AGO1: variants seen among roughly 807,000 people sequenced by gnomAD.
AGO1 encodes the protein protein argonaute-1.
Under a neutral mutation model 109.2 loss-of-function variants are expected in AGO1, and 11 were observed. The ratio of observed to expected loss-of-function variants is 0.10; its 90% confidence interval spans 0.06 to 0.17. The LOEUF (loss-of-function observed/expected upper bound fraction) is 0.17. AGO1 is among the 10% of genes least tolerant of loss of function. The pLI, the probability that AGO1 is intolerant of heterozygous loss-of-function variation, is 1.00. For synonymous variants in AGO1, 422 were observed against 418.6 expected (o/e 1.01, Z -0.10); for missense variants, 574 against 1,140.3 (o/e 0.50, Z 7.15).
At position 35,925,499 on chromosome 1, in the gene AGO1, C is replaced by T. The variant is rs1645909930; in HGVS notation, c.*5892C>T. On this transcript the variant is annotated 3_prime_UTR_variant, in exon 19 of 19. Transcript: ENST00000373204. ...ATTTGTCTTCTTTAGAGCCTATGAACTCCTAGGAGCAGAAGCTATATTCTC... is the reference window on the plus strand; with the variant it reads ...ATTTGTCTTCTTTAGAGCCTATGAATTCCTAGGAGCAGAAGCTATATTCTC... 1 of 150,204 alleles carries T rather than the reference C, an allele frequency of 6.7e-6. No individual in the cohort carries two copies. Among genetic ancestry groups the T allele is most frequent in the Admixed American group, 6.7e-5 (1 of 14,974 alleles). The allele number at this position is 150,204 out of a possible 1,614,324, so 9.3% of individuals were successfully genotyped here. A position where few individuals can be genotyped will look rare whatever the true frequency, so the allele number is the denominator to read the frequency against.
intron 12 of AGO1, among the ~76,000 whole-genome samples, chr1:35,908,011 TTGGG>T (rs1645556462): frequency 6.6e-6 from 1 of 152,188 alleles, no homozygotes; most frequent in Admixed American, 6.5e-5. Context: ...TCCCAGCTAC[TTGGG>T]AGTCTGAGGC....
chr1:35,927,012 C>T lies in AGO1; in HGVS notation c.*7405C>T, dbSNP rs1645943653. ...GGACCTTTCTAGGGAGCCTTTGGTC[C>T]TTTGTCCCCATTTTCCAAAGGGAGG... On this transcript the variant is annotated 3_prime_UTR_variant, in exon 19 of 19. Transcript: ENST00000373204. 6.7e-6 allele frequency: 1 copy of T among 148,150 alleles called. No individual in the cohort carries two copies. The highest frequency in any genetic ancestry group is 6.8e-5 in the Admixed American group (1 of 14,734). 9.2% of individuals were successfully genotyped at this position (148,150 alleles called of 1,614,324 possible).
In AGO1 at chr1:35,872,815, C is replaced by T. The variant is rs1480143228; in HGVS notation, c.-201+2912C>T. ...CTTGAACTCTGGGCCTCAAGCGATTCTCCCACTTCAGTCTCCCAAAGCACC... is the reference window on the plus strand; with the variant it reads ...CTTGAACTCTGGGCCTCAAGCGATTTTCCCACTTCAGTCTCCCAAAGCACC... On this transcript the variant is annotated intron_variant, in intron 1 of 18. Transcript: ENST00000373206. 3.3e-5 allele frequency among the ~76,000 whole-genome samples: 5 copies of T among 152,236 alleles called. No individual in the cohort carries two copies. In the East Asian group the frequency reaches 9.6e-4, roughly 29 times the overall value.
chr1:35,881,669 G>T (rs556560293), upstream of AGO1, among the ~76,000 whole-genome samples: 29 of 152,334 alleles, frequency 1.9e-4, no homozygotes, highest in South Asian at 5.8e-3. Context: ...GATGGTTGCT[G>T]TTTGAGAACC....
chr1:35,924,491 A>G lies in AGO1; in HGVS notation c.*4884A>G, dbSNP rs1260563689. 2 of 152,258 alleles carry G rather than the reference A, an allele frequency of 1.3e-5. No individual in the cohort carries two copies. The highest frequency in any genetic ancestry group is 2.9e-5 in the Non-Finnish European group (2 of 68,048). 9.4% of individuals were successfully genotyped at this position (152,258 alleles called of 1,614,324 possible). A position where few individuals can be genotyped will look rare whatever the true frequency, so the allele number is the denominator to read the frequency against. On this transcript the variant is annotated 3_prime_UTR_variant, in exon 19 of 19. Transcript: ENST00000373204. The stretch of plus-strand genomic sequence containing the variant: ...CAGTATTGTGGGGAGGGGAGGCACA[A>G]TTCAAAATGAGGAAAATAGTGTCCG...
chr1:35,876,094 A>G (rs187826059), intron 1 of AGO1, among the ~76,000 whole-genome samples: 4 of 152,184 alleles, frequency 2.6e-5, no homozygotes, highest in South Asian at 2.1e-4. Flanking sequence ...ATTGATTCCA[A>G]CTGTCATGGA....
Position 35,926,276 on chromosome 1 carries a change from C to T in AGO1, c.*6669C>T, listed in dbSNP as rs1557631171. The T allele has an allele frequency of 6.6e-6, 1 of 152,132 alleles. No individual in the cohort carries two copies. The highest frequency in any genetic ancestry group is 1.5e-5 in the Non-Finnish European group (1 of 68,026). The allele number at this position is 152,132 out of a possible 1,614,324, so 9.4% of individuals were successfully genotyped here. A position where few individuals can be genotyped will look rare whatever the true frequency, so the allele number is the denominator to read the frequency against. ...CTACTCAAGTTAAAAAGACTGGGAGCCTGCATTGTTTGGTCCTGGAGCTCA... is the reference window on the plus strand; with the variant it reads ...CTACTCAAGTTAAAAAGACTGGGAGTCTGCATTGTTTGGTCCTGGAGCTCA... On this transcript the variant is annotated 3_prime_UTR_variant, in exon 19 of 19. Transcript: ENST00000373204.
At position 35,903,805 on chromosome 1, in the gene AGO1, A is replaced by C. The variant is rs377142935; in HGVS notation, c.1397+1468A>C. Among the ~76,000 whole-genome samples, 5 of 151,750 alleles carry C rather than the reference A, an allele frequency of 3.3e-5. No individual in the cohort carries two copies. The East Asian group carries it at 9.8e-4, about 30-fold the overall frequency. The stretch of plus-strand genomic sequence containing the variant: ...TGGTGAAACTCCGTCTCTACTAAAA[A>C]TACAAAAATTAGCCGGGCGTGGTGG... On this transcript the variant is annotated intron_variant, in intron 11 of 18. Coordinates refer to ENST00000373204, the MANE Select transcript of AGO1 (RefSeq NM_012199.5).
intron 14 of AGO1, 144 bp downstream of exon 14, chr1:35,914,418 C>T: frequency 1.4e-5 from 9 of 646,848 alleles, no homozygotes; most frequent in Non-Finnish European, 1.6e-5. Context: ...TTCCCATTCC[C>T]TTGATATCTC....
chr1:35,888,445 C>G lies in AGO1; in HGVS notation c.44C>G (p.Pro15Arg). The change falls in exon 2 of 19, where the codon CCC becomes CGC. Residue 15 changes from proline (P) to arginine (R), a missense_variant. Transcript: ENST00000373204. This position sits in a 1 kb window ranked among gnomAD's most constrained non-coding sequence, Gnocchi z 4.1. ...PSGAAAGAYL[P>R]PLQQVFQAPR... ...CTTGTAGCTGCGGGCGCTTACCTGC[C>G]CCCCCTGCAGCAGGTGTTCCAGGCA... 2 of 1,614,110 alleles carry G rather than the reference C, an allele frequency of 1.2e-6. No homozygotes were observed. Among genetic ancestry groups the G allele is most frequent in the South Asian group, 2.2e-5 (2 of 91,086 alleles).
intron 1 of AGO1, among the ~76,000 whole-genome samples, chr1:35,872,373 A>G (rs1477478366): frequency 6.6e-6 from 1 of 151,760 alleles, no homozygotes; most frequent in Non-Finnish European, 1.5e-5. Flanking sequence ...TTTAGTAGAG[A>G]CAAGGTTTCA....
At position 35,919,380 on chromosome 1, in the gene AGO1, T is replaced by C. The variant is rs1645792214; in HGVS notation, c.2466-119T>C. The C allele has an allele frequency of 2.1e-5, 30 of 1,456,046 alleles. No homozygotes were observed. The highest frequency in any genetic ancestry group is 2.6e-5 in the Non-Finnish European group (28 of 1,068,158). The allele number at this position is 1,456,046 out of a possible 1,614,324, so 90.2% of individuals were successfully genotyped here. ...GGTGTCATTGGGCTCGTCTGCCCAA[T>C]CCTGGGTTGGGTTTCTCTCTTAAGT... On this transcript the variant is annotated intron_variant, in intron 18 of 18. Transcript: ENST00000373204. This position sits in a 1 kb window ranked among gnomAD's most constrained non-coding sequence, Gnocchi z 6.6.
chr1:35,893,330 A>G lies in AGO1; in HGVS notation c.512+52A>G. The G allele has an allele frequency of 3.8e-6, 6 of 1,564,500 alleles. No homozygotes were observed. Among genetic ancestry groups the G allele is most frequent in the Non-Finnish European group, 5.2e-6 (6 of 1,149,428 alleles). On this transcript the variant is annotated intron_variant, in intron 4 of 18. Coordinates refer to ENST00000373204, the MANE Select transcript of AGO1 (RefSeq NM_012199.5). This position sits in a 1 kb window ranked among gnomAD's most constrained non-coding sequence, Gnocchi z 5.6. Reference sequence around the variant, plus strand: ...TACTAGTGTTGGCAGAACTGCTGTCAGGGGAGGAGGGGGAGCACATATTAA... The same window carrying G: ...TACTAGTGTTGGCAGAACTGCTGTCGGGGGAGGAGGGGGAGCACATATTAA...
Position 35,901,485 on chromosome 1 carries a change from T to C in AGO1, c.1032T>C (p.Ile344=). The change falls in exon 9 of 19, where the codon ATT becomes ATC. Residue 344 remains isoleucine (I), a synonymous_variant. Transcript: ENST00000373204. This position sits in a 1 kb window ranked among gnomAD's most constrained non-coding sequence, Gnocchi z 4.8. ...HTYLPLEVCN[I]VAGQRCIKKL... Reference sequence around the variant, plus strand: ...TCTTGTTTCCTCAGGTCTGTAACATTGTGGCTGGGCAGCGCTGTATTAAAA... The same window carrying C: ...TCTTGTTTCCTCAGGTCTGTAACATCGTGGCTGGGCAGCGCTGTATTAAAA... 6.2e-7 allele frequency: 1 copy of C among 1,614,016 alleles called. No individual in the cohort carries two copies. Among genetic ancestry groups the C allele is most frequent in the Non-Finnish European group, 8.5e-7 (1 of 1,179,938 alleles).
chr1:35,924,980 A>G lies in AGO1; in HGVS notation c.*5373A>G, dbSNP rs1376232788. 1 of 152,162 alleles carries G rather than the reference A, an allele frequency of 6.6e-6. No homozygotes were observed. Among genetic ancestry groups the G allele is most frequent in the African/African-American group, 2.4e-5 (1 of 41,418 alleles). 9.4% of individuals were successfully genotyped at this position (152,162 alleles called of 1,614,324 possible). On this transcript the variant is annotated 3_prime_UTR_variant, in exon 19 of 19. Coordinates refer to ENST00000373204, the MANE Select transcript of AGO1 (RefSeq NM_012199.5). ...TAGGCATGAATGAGATAGCTTAGAA[A>G]AAGAGAAGAGAAACTAGTATACAGC... is the stretch of plus-strand genomic sequence containing the variant.
chr1:35,902,183 G>C (rs58943600), intron 10 of AGO1, 21 bp from the exon 11 acceptor site: 45 of 1,608,154 alleles, frequency 2.8e-5, no homozygotes, highest in Non-Finnish European at 3.7e-5. Flanking sequence ...TCACCTAGGC[G>C]CCCCCTCTAC....
Position 35,919,814 on chromosome 1 carries a change from A to C in AGO1, c.*207A>C. The C allele has an allele frequency of 1.8e-6, 1 of 560,916 alleles. No homozygotes were observed. The allele number at this position is 560,916 out of a possible 1,614,324, so 34.7% of individuals were successfully genotyped here. On this transcript the variant is annotated 3_prime_UTR_variant, in exon 19 of 19. Transcript: ENST00000373204. This position sits in a 1 kb window ranked among gnomAD's most constrained non-coding sequence, Gnocchi z 6.6. ...GCCAGAAATCTCTGATATCAACCTC[A>C]TGTCCCCCACCCCTCACCCCATCTT...
chr1:35,892,789 A>T, intron 3 of AGO1, 112 bp downstream of exon 3: 20 of 1,341,864 alleles, frequency 1.5e-5, no homozygotes, highest in South Asian at 3.7e-5. Flanking sequence ...CTGAGAAAGT[A>T]TGTTTTAGGG....
At chr1:35,902,171 G>C in intron 10 of AGO1, 33 bp from the exon 11 acceptor site, 1 of 1,605,322 alleles carries the variant, frequency 6.2e-7, no homozygotes, top group Non-Finnish European at 8.5e-7. Context: ...CTCTACTGAG[G>C]CTCACCTAGG....
Sources: gnomAD v4.1 joint callset for allele counts (sites outside exome capture counted in the v4.1 genomes callset) on GRCh38, gnomAD v4.1.1 for gene constraint, Gnocchi (gnomAD v3.1) non-coding constraint, MANE v1.5 for transcripts, NCBI Gene and HGNC (gene_info 2026-07-23, HGNC 2026-07-21) for gene names.